SEMA5A: variants seen among roughly 807,000 people sequenced by gnomAD.
The protein encoded by SEMA5A is semaphorin 5A.
In SEMA5A, 55 loss-of-function variants were observed where a neutral mutation model predicts 135.5. The observed-to-expected ratio is 0.41, with a 90% CI of 0.33 to 0.51. SEMA5A has a LOEUF of 0.51. Ranked by LOEUF, SEMA5A falls within the 20% of genes least tolerant of loss-of-function variation. The probability of loss-of-function intolerance (pLI) is 0.37; values close to 1 mark genes in which losing one functional copy is unlikely to be tolerated. For missense variants in SEMA5A, 1,290 were observed against 1,419.9 expected, an observed-to-expected ratio of 0.91 and a Z score of 1.47; for synonymous variants, 580 against 546.5, an observed-to-expected ratio of 1.06 and a Z score of -0.85.
At chr5:9,323,455 T>C (rs1752718340) in intron 4 of SEMA5A, among the ~76,000 whole-genome samples, 1 of 150,538 alleles carries the variant, frequency 6.6e-6, no homozygotes, top group African/African-American at 2.4e-5. Context: ...TACTTATGTA[T>C]TTGTTAATAA....
intron 1 of SEMA5A, among the ~76,000 whole-genome samples, chr5:9,465,779 T>G (rs943749544): frequency 2.6e-5 from 4 of 152,216 alleles, no homozygotes; most frequent in African/African-American, 7.2e-5. Context: ...TCCATCTATA[T>G]TCCACTGGGC....
chr5:9,523,933 G>A (rs1736974450), intron 1 of SEMA5A, among the ~76,000 whole-genome samples: 3 of 151,942 alleles, frequency 2.0e-5, no homozygotes, highest in African/African-American at 4.8e-5. Flanking sequence ...TGCAAATAGA[G>A]TTAAATTAAG....
At chr5:9,357,283 C>T (rs914916627) in intron 3 of SEMA5A, among the ~76,000 whole-genome samples, 16 of 152,156 alleles carry the variant, frequency 1.1e-4, no homozygotes, top group Non-Finnish European at 2.4e-4. Context: ...TGGACTGTGT[C>T]CACCAAAGGA....
At chr5:9,398,323 G>A (rs901062243) in intron 2 of SEMA5A, among the ~76,000 whole-genome samples, 3 of 152,166 alleles carry the variant, frequency 2.0e-5, no homozygotes, top group Non-Finnish European at 2.9e-5. Flanking sequence ...AATGGAAGTC[G>A]GAGCTAAAGT....
intron 1 of SEMA5A, among the ~76,000 whole-genome samples, chr5:9,493,122 G>C (rs1446010779): frequency 6.6e-6 from 1 of 151,966 alleles, no homozygotes; most frequent in Admixed American, 6.6e-5. Flanking sequence ...AGGGAGGTGG[G>C]ATAGGAGAAC....
chr5:9,304,497 A>C (rs150448392), intron 5 of SEMA5A, among the ~76,000 whole-genome samples: 1 of 117,072 alleles, frequency 8.5e-6, no homozygotes, highest in East Asian at 2.8e-4. Context: ...CTCAATTCAT[A>C]AAGAAATCTG....
At chr5:9,504,408 G>T (rs1402330324) in intron 1 of SEMA5A, among the ~76,000 whole-genome samples, 1 of 152,084 alleles carries the variant, frequency 6.6e-6, no homozygotes, top group South Asian at 2.1e-4. Context: ...AGCTTCTGTT[G>T]TTTTCCAGAA....
intron 5 of SEMA5A, among the ~76,000 whole-genome samples, chr5:9,313,097 A>G (rs1363295508): frequency 6.6e-6 from 1 of 152,190 alleles, no homozygotes; most frequent in Non-Finnish European, 1.5e-5. Flanking sequence ...GGGACAATGC[A>G]GTGGGGTCTC....
At chr5:9,479,660 G>A (rs1448524965) in intron 1 of SEMA5A, among the ~76,000 whole-genome samples, 1 of 152,174 alleles carries the variant, frequency 6.6e-6, no homozygotes, top group Non-Finnish European at 1.5e-5. Context: ...TTGTGGTAAG[G>A]AATAAAATCT....
intron 1 of SEMA5A, among the ~76,000 whole-genome samples, chr5:9,540,842 C>T (rs1056736049): frequency 6.6e-6 from 1 of 152,158 alleles, no homozygotes; most frequent in Non-Finnish European, 1.5e-5. Context: ...AGACGTGTCA[C>T]ATCTCCGGTT....
intron 2 of SEMA5A, among the ~76,000 whole-genome samples, chr5:9,417,642 C>G (rs1443743451): frequency 1.3e-5 from 2 of 152,190 alleles, no homozygotes; most frequent in African/African-American, 4.8e-5. Context: ...TTGAGACATT[C>G]GCCCCGTTAC....
chr5:9,246,825 T>C (rs1748506269), intron 5 of SEMA5A, among the ~76,000 whole-genome samples: 1 of 152,196 alleles, frequency 6.6e-6, no homozygotes, highest in African/African-American at 2.4e-5. Context: ...TTGAAAATAC[T>C]TTTACAAGGC....
At chr5:9,430,015 G>C (rs758853423) in intron 2 of SEMA5A, among the ~76,000 whole-genome samples, 3 of 152,214 alleles carry the variant, frequency 2.0e-5, no homozygotes, top group Non-Finnish European at 4.4e-5. Context: ...AACTCACGGG[G>C]ACCAAGTTGC....
intron 14 of SEMA5A, 75 bp from the exon 15 acceptor site, chr5:9,119,216 A>C (rs1740683301): frequency 3.2e-6 from 5 of 1,547,766 alleles, no homozygotes; most frequent in Non-Finnish European, 4.4e-6. Context: ...CCCACGGCCA[A>C]ATGCCTGTGT....
chr5:9,164,591 C>T (rs922269932), intron 11 of SEMA5A, among the ~76,000 whole-genome samples: 6 of 151,856 alleles, frequency 4.0e-5, no homozygotes, highest in African/African-American at 1.2e-4. Flanking sequence ...CTAGAAAAGT[C>T]GCAGGGAATG....
At chr5:9,221,458 A>G (rs113626792) in intron 8 of SEMA5A, among the ~76,000 whole-genome samples, 1,706 of 150,998 alleles carry the variant, frequency 0.011, 31 homozygotes, top group Non-Finnish European at 0.016. Context: ...GCCCACCACC[A>G]CGCCCGGCTA....
chr5:9,300,489 G>A (rs1438100114), intron 5 of SEMA5A, among the ~76,000 whole-genome samples: 1 of 152,152 alleles, frequency 6.6e-6, no homozygotes, highest in Non-Finnish European at 1.5e-5. Context: ...CCATAATACA[G>A]GAGTAGCCTT....
intron 5 of SEMA5A, among the ~76,000 whole-genome samples, chr5:9,304,903 G>A (rs1751786469): frequency 6.6e-6 from 1 of 152,072 alleles, no homozygotes; most frequent in Non-Finnish European, 1.5e-5. Flanking sequence ...GTTTTTCTAT[G>A]TAGTTATTAT....
chr5:9,530,069 G>A (rs1737356347), intron 1 of SEMA5A, among the ~76,000 whole-genome samples: 1 of 152,220 alleles, frequency 6.6e-6, no homozygotes, highest in African/African-American at 2.4e-5. Flanking sequence ...GAAGCCCCAG[G>A]GAGGTGTGCG....
Sources: gnomAD v4.1 joint callset for allele counts (sites outside exome capture counted in the v4.1 genomes callset) on GRCh38, gnomAD v4.1.1 for gene constraint, MANE v1.5 for transcripts, NCBI Gene and HGNC (gene_info 2026-07-23, HGNC 2026-07-21) for gene names.